Variants in CSMD3 observed in about 807,000 individuals in gnomAD.
CSMD3 encodes the protein CUB and sushi domain-containing protein 3.
A neutral mutation model predicts 435.2 loss-of-function variants in CSMD3; 177 were observed. The ratio of observed to expected loss-of-function variants is 0.41; its 90% CI spans 0.36 to 0.46. The LOEUF is 0.46. Ranked by LOEUF, CSMD3 falls within the 20% of genes least tolerant of loss-of-function variation. CSMD3 has a pLI of 0.34. For missense variants in CSMD3, 4,265 were observed against 4,504.6 expected, an observed-to-expected ratio of 0.95 and a Z score of 1.52; for synonymous variants, 1,656 against 1,520.5, an observed-to-expected ratio of 1.09 and a Z score of -2.07.
At chr8:112,832,296 C>T (rs2079899613) in intron 11 of CSMD3, among the ~76,000 whole-genome samples, 1 of 151,982 alleles carries the variant, frequency 6.6e-6, no homozygotes, top group Non-Finnish European at 1.5e-5. Flanking sequence ...TGGGCAAGAC[C>T]TATGAAAATG....
chr8:112,813,567 G>C (rs1384424074), intron 12 of CSMD3, among the ~76,000 whole-genome samples: 5 of 152,090 alleles, frequency 3.3e-5, no homozygotes, highest in Non-Finnish European at 7.4e-5. Flanking sequence ...GAGAGAGGGA[G>C]AGAAGGATAC....
chr8:113,216,512 T>A (rs975665350), intron 3 of CSMD3, among the ~76,000 whole-genome samples: 12 of 151,860 alleles, frequency 7.9e-5, no homozygotes, highest in Non-Finnish European at 1.8e-4. Context: ...TTTTTTAAAA[T>A]TTCAAAATTA....
At chr8:112,648,242 G>C (rs1160633682) in intron 19 of CSMD3, among the ~76,000 whole-genome samples, 2 of 152,106 alleles carry the variant, frequency 1.3e-5, no homozygotes, top group African/African-American at 4.8e-5. Context: ...TGTTCACTAG[G>C]TGATACAATA....
At chr8:112,363,404 T>G (rs192171244) in intron 38 of CSMD3, among the ~76,000 whole-genome samples, 1 of 152,104 alleles carries the variant, frequency 6.6e-6, no homozygotes, top group Non-Finnish European at 1.5e-5. Context: ...ATTTCACATG[T>G]GTGCTCTAGT....
intron 22 of CSMD3, among the ~76,000 whole-genome samples, chr8:112,636,065 G>A (rs946135564): frequency 6.6e-6 from 1 of 152,024 alleles, no homozygotes; most frequent in Non-Finnish European, 1.5e-5. Flanking sequence ...TCACTAAACA[G>A]CAAGAAGTTT....
intron 13 of CSMD3, among the ~76,000 whole-genome samples, chr8:112,763,754 G>A (rs1231479653): frequency 2.7e-5 from 4 of 150,116 alleles, no homozygotes; most frequent in African/African-American, 7.3e-5. Context: ...AAAATTTTTG[G>A]TATAGAGGAT....
At chr8:112,951,363 T>C (rs1355417269) in intron 8 of CSMD3, among the ~76,000 whole-genome samples, 7 of 151,844 alleles carry the variant, frequency 4.6e-5, no homozygotes, top group Non-Finnish European at 1.0e-4. Context: ...TATGATTTCT[T>C]ATGGCTTCTG....
intron 13 of CSMD3, among the ~76,000 whole-genome samples, chr8:112,728,916 C>T (rs1406438635): frequency 6.6e-6 from 1 of 151,918 alleles, no homozygotes; most frequent in African/African-American, 2.4e-5. Flanking sequence ...ACATAATAGA[C>T]ATCAGCAAAC....
intron 27 of CSMD3, among the ~76,000 whole-genome samples, chr8:112,541,485 A>T (rs1826656278): frequency 6.6e-6 from 1 of 151,818 alleles, no homozygotes; most frequent in African/African-American, 2.4e-5. Flanking sequence ...TATGATTACA[A>T]GCTGGATAAC....
At chr8:112,813,125 G>C (rs977565994) in intron 12 of CSMD3, among the ~76,000 whole-genome samples, 1 of 152,200 alleles carries the variant, frequency 6.6e-6, no homozygotes, top group Non-Finnish European at 1.5e-5. Context: ...TGGTGTGGCG[G>C]CTGACCACAG....
chr8:112,556,695 TA>T (rs2131222831), intron 25 of CSMD3, 67 bp downstream of exon 25: 1 of 1,339,366 alleles, frequency 7.5e-7, no homozygotes, highest in Non-Finnish European at 1.1e-6. Flanking sequence ...AAGAATTTCT[TA>T]AAAATGCAAA....
At chr8:112,666,467 G>A (rs1272104728) in intron 16 of CSMD3, 52 bp from the exon 17 acceptor site, 4 of 1,513,596 alleles carry the variant, frequency 2.6e-6, no homozygotes, top group Non-Finnish European at 3.7e-6. Flanking sequence ...ATAAATCGCA[G>A]ATATTATTCT....
At chr8:112,464,236 T>TTAAAAAAAAAAAAAAAAAAAAAAAA (rs1817729945) in intron 32 of CSMD3, among the ~76,000 whole-genome samples, 1 of 117,940 alleles carries the variant, frequency 8.5e-6, no homozygotes, top group African/African-American at 3.7e-5. Flanking sequence ...AGACTCTGTT[T>TTAAAAAAAAAAAAAAAAAAAAAAAA]CAAAAAAAAA....
intron 32 of CSMD3, among the ~76,000 whole-genome samples, chr8:112,410,134 A>T (rs966884030): frequency 6.6e-6 from 1 of 151,902 alleles, no homozygotes; most frequent in African/African-American, 2.4e-5. Flanking sequence ...TTACTTTTGC[A>T]TATGAATTCA....
At chr8:113,066,829 G>T (rs188934180) in intron 5 of CSMD3, among the ~76,000 whole-genome samples, 6 of 152,136 alleles carry the variant, frequency 3.9e-5, no homozygotes, top group Admixed American at 3.3e-4. Flanking sequence ...GATATCATTG[G>T]TTAAAATTCT....
In CSMD3 at chr8:112,492,675, G is replaced by A. The variant is rs778555238; in HGVS notation, c.5092C>T (p.Arg1698Ter). The A allele has an allele frequency of 5.6e-6, 9 of 1,613,024 alleles. No individual in the cohort carries two copies. Among genetic ancestry groups the A allele is most frequent in the Admixed American group, 1.7e-5 (1 of 59,974 alleles). ...GFHLEYKAKL[R>*]ESCFDPGNIM... is the part of the protein sequence containing the mutation. The stretch of plus-strand genomic sequence containing the variant: ...TTGCCTGGATCAAAGCAGGACTCTC[G>A]CAGTTTTGCTGTAAAACAGTGTTAG... Residue 1698 changes from arginine to a stop codon, truncating the protein, a stop_gained, in exon 31 of 71, where the codon CGA becomes TGA. Transcript: ENST00000297405. LOFTEE classifies it high-confidence loss of function.
chr8:112,695,519 C>A (rs1030449163), intron 13 of CSMD3, among the ~76,000 whole-genome samples: 1 of 151,962 alleles, frequency 6.6e-6, no homozygotes, highest in African/African-American at 2.4e-5. Flanking sequence ...AGGCCTTTGA[C>A]AAAATTCAAC....
At chr8:113,099,535 G>A (rs188970597) in intron 4 of CSMD3, among the ~76,000 whole-genome samples, 29 of 152,040 alleles carry the variant, frequency 1.9e-4, no homozygotes, top group African/African-American at 7.0e-4. Flanking sequence ...AGAAATAATA[G>A]GGTAACTAAT....
intron 13 of CSMD3, among the ~76,000 whole-genome samples, chr8:112,730,549 CATTT>C: frequency 6.6e-6 from 1 of 152,142 alleles, no homozygotes; most frequent in East Asian, 1.9e-4. Flanking sequence ...ATATTTACTT[CATTT>C]GTTTGGGCTT....
Sources: gnomAD v4.1 joint callset for allele counts (sites outside exome capture counted in the v4.1 genomes callset) on GRCh38, gnomAD v4.1.1 for gene constraint, MANE v1.5 for transcripts, NCBI Gene and HGNC (gene_info 2026-07-23, HGNC 2026-07-21) for gene names.